ATRNL1: variants seen among roughly 807,000 people sequenced by gnomAD.
ATRNL1 encodes attractin like 1, also known as attractin-like protein 1.
In ATRNL1, 95 loss-of-function variants were observed where a neutral mutation model predicts 182.7. The ratio of observed to expected loss-of-function variants is 0.52; its 90% CI spans 0.44 to 0.62. The LOEUF (loss-of-function observed/expected upper bound fraction) is 0.62. Ranked by LOEUF, ATRNL1 falls within the 20% of genes least tolerant of loss-of-function variation. The pLI is 0.00. For missense variants in ATRNL1, 1,471 were observed against 1,679.5 expected, an observed-to-expected ratio of 0.88 and a Z score of 2.17; for synonymous variants, 576 against 568.3, an observed-to-expected ratio of 1.01 and a Z score of -0.19.
intron 17 of ATRNL1, among the ~76,000 whole-genome samples, chr10:115,310,833 A>G (rs1853981244): frequency 6.6e-6 from 1 of 151,532 alleles, no homozygotes; most frequent in African/African-American, 2.4e-5. Context: ...CTACTCTGAG[A>G]TTTGTTATTT....
chr10:115,460,524 G>A (rs1487322967), intron 21 of ATRNL1, among the ~76,000 whole-genome samples: 2 of 151,986 alleles, frequency 1.3e-5, no homozygotes, highest in African/African-American at 4.8e-5. Context: ...ACCACTTCCT[G>A]TGGCCTTCAC....
intron 28 of ATRNL1, among the ~76,000 whole-genome samples, chr10:115,935,466 C>G (rs1162397775): frequency 6.6e-6 from 1 of 151,962 alleles, no homozygotes; most frequent in African/African-American, 2.4e-5. Context: ...TTTTGTTTTT[C>G]TTTTTCTTCT....
At position 115,129,458 on chromosome 10, in the gene ATRNL1, C is replaced by A. The variant is rs782507565; in HGVS notation, c.752C>A (p.Ala251Asp). 1 of 1,614,048 alleles carries A rather than the reference C, an allele frequency of 6.2e-7. No individual in the cohort carries two copies. Among genetic ancestry groups the A allele is most frequent in the Admixed American group, 1.7e-5 (1 of 60,002 alleles). The change falls in exon 5 of 29, where the codon GCC becomes GAC. Residue 251 changes from alanine (A) to aspartate (D), a missense_variant. Ala to Asp is a moderately radical substitution (Grantham distance 126). This residue lies in a region of ATRNL1 where 1,031 missense variants were observed against 1,156.0 expected (regional missense o/e 0.89). Transcript: ENST00000355044. ...GCTTGTGATATTCCTTACTGTAAAG[C>A]CAATTGCGGCAGTCCAGATCACGGT... ...GEACDIPYCKANCGSPDHGYC... is the reference protein window; with the variant it reads ...GEACDIPYCKDNCGSPDHGYC...
intron 28 of ATRNL1, among the ~76,000 whole-genome samples, chr10:115,850,220 G>A (rs543836854): frequency 1.3e-5 from 2 of 151,968 alleles, no homozygotes; most frequent in Non-Finnish European, 2.9e-5. Flanking sequence ...CTAGGTGCTA[G>A]GAATACTGAT....
At chr10:115,301,667 T>G in intron 16 of ATRNL1, among the ~76,000 whole-genome samples, 188 bp from the exon 17 acceptor site, 1 of 152,348 alleles carries the variant, frequency 6.6e-6, no homozygotes, top group East Asian at 1.9e-4. Flanking sequence ...GAGTTATACA[T>G]TTTCAAATTT....
At chr10:115,688,459 C>G (rs1487001342) in intron 26 of ATRNL1, among the ~76,000 whole-genome samples, 3 of 152,066 alleles carry the variant, frequency 2.0e-5, no homozygotes, top group Admixed American at 1.3e-4. Flanking sequence ...TTCTCTGCAT[C>G]CTCACCAGAA....
intron 21 of ATRNL1, among the ~76,000 whole-genome samples, chr10:115,454,606 C>G (rs369290569): frequency 5.3e-5 from 8 of 151,998 alleles, no homozygotes; most frequent in East Asian, 1.9e-4. Context: ...ATGTTCAAGT[C>G]TTTATTCTCT....
At chr10:115,503,098 C>G (rs1339582171) in intron 24 of ATRNL1, among the ~76,000 whole-genome samples, 2 of 151,984 alleles carry the variant, frequency 1.3e-5, no homozygotes, top group African/African-American at 4.8e-5. Context: ...CCTTTTTAGA[C>G]TCAGGATTTA....
chr10:115,927,234 C>G (rs570312934), intron 28 of ATRNL1, among the ~76,000 whole-genome samples: 2 of 152,044 alleles, frequency 1.3e-5, no homozygotes, highest in Non-Finnish European at 2.9e-5. Context: ...GTTAAAAGCT[C>G]TCAGGTATTG....
intron 1 of ATRNL1, among the ~76,000 whole-genome samples, chr10:115,117,383 C>T (rs1554870321): frequency 6.6e-6 from 1 of 152,056 alleles, no homozygotes; most frequent in East Asian, 1.9e-4. Context: ...TGGTAACCAT[C>T]TTCCTACTCT....
chr10:115,710,307 A>G (rs778751037), intron 26 of ATRNL1, among the ~76,000 whole-genome samples: 6 of 152,120 alleles, frequency 3.9e-5, no homozygotes, highest in Non-Finnish European at 8.8e-5. Flanking sequence ...TAAATAGAAA[A>G]GGGGTACATG....
At chr10:115,875,946 A>C (rs1951690187) in intron 28 of ATRNL1, among the ~76,000 whole-genome samples, 2 of 152,180 alleles carry the variant, frequency 1.3e-5, no homozygotes, top group Non-Finnish European at 2.9e-5. Context: ...GGAATTAGCC[A>C]GGCAAAGACT....
chr10:115,720,576 A>G (rs752165154), intron 26 of ATRNL1, among the ~76,000 whole-genome samples: 1 of 152,206 alleles, frequency 6.6e-6, no homozygotes, highest in Non-Finnish European at 1.5e-5. Flanking sequence ...CCAGAGTTCC[A>G]TGAGACTGAT....
chr10:115,103,012 A>G (rs973618777), intron 1 of ATRNL1, among the ~76,000 whole-genome samples: 2 of 149,466 alleles, frequency 1.3e-5, no homozygotes, highest in East Asian at 3.9e-4. Flanking sequence ...TAGTTATCAG[A>G]TACAGATTCT....
intron 20 of ATRNL1, among the ~76,000 whole-genome samples, chr10:115,421,901 A>C (rs942167762): frequency 1.3e-5 from 2 of 152,190 alleles, no homozygotes; most frequent in African/African-American, 4.8e-5. Flanking sequence ...GCATAGGTAC[A>C]ACTATCTAGT....
At chr10:115,426,094 AAC>A (rs1402077858) in intron 20 of ATRNL1, among the ~76,000 whole-genome samples, 154 bp from the exon 21 acceptor site, 1 of 152,044 alleles carries the variant, frequency 6.6e-6, no homozygotes, top group Non-Finnish European at 1.5e-5. Context: ...TCAAATTTCA[AAC>A]ACATCTTTCA....
At chr10:115,468,942 T>C (rs1376152000) in intron 23 of ATRNL1, among the ~76,000 whole-genome samples, 1 of 150,760 alleles carries the variant, frequency 6.6e-6, no homozygotes, top group Non-Finnish European at 1.5e-5. Flanking sequence ...GTCTCTAAGC[T>C]AGTGCCTAGT....
At position 115,469,223 on chromosome 10, in the gene ATRNL1, A is replaced by G; in HGVS notation, c.3548A>G (p.Lys1183Arg). 1 of 1,436,016 alleles carries G rather than the reference A, an allele frequency of 7.0e-7. No homozygotes were observed. Among genetic ancestry groups the G allele is most frequent in the Non-Finnish European group, 9.4e-7 (1 of 1,068,662 alleles). The allele number at this position is 1,436,016 out of a possible 1,614,324, so 89.0% of individuals were successfully genotyped here. ...ETSIVSKNNI[K>R]EYRDSFSYEK... ...TCTATAGTTTCCAAGAATAATATAAAGGAATACAGAGATAGTTTTTCCTAT... is the reference window on the plus strand; with the variant it reads ...TCTATAGTTTCCAAGAATAATATAAGGGAATACAGAGATAGTTTTTCCTAT... Residue 1183 changes from lysine to arginine, a missense_variant, in exon 24 of 29, where the codon AAG becomes AGG. This residue lies in a region of ATRNL1 where 437 missense variants were observed against 506.0 expected (regional missense o/e 0.86). Coordinates refer to ENST00000355044, the MANE Select transcript of ATRNL1 (RefSeq NM_207303.4).
At chr10:115,510,814 G>A (rs955340499) in intron 24 of ATRNL1, among the ~76,000 whole-genome samples, 24 of 151,918 alleles carry the variant, frequency 1.6e-4, no homozygotes, top group African/African-American at 2.2e-4. Flanking sequence ...GTGATTGGAC[G>A]TCATAAAAGT....
Sources: allele counts gnomAD v4.1 joint callset (sites outside exome capture counted in the v4.1 genomes callset), GRCh38; gene constraint gnomAD v4.1.1; regional missense constraint gnomAD v4.1.1; transcripts MANE v1.5; gene names NCBI Gene and HGNC (gene_info 2026-07-23, HGNC 2026-07-21).